RALGPS1: variants seen among roughly 807,000 people sequenced by gnomAD.
The protein encoded by RALGPS1 is ras-specific guanine nucleotide-releasing factor RalGPS1.
RALGPS1 carries 19 observed loss-of-function variants against 78.8 expected under a neutral mutation model. That is an observed-to-expected ratio of 0.24 (90% CI 0.17 to 0.35). RALGPS1 has a LOEUF of 0.35. Among genes scored for constraint, RALGPS1 ranks in the 10% least tolerant of loss-of-function variants. RALGPS1 has a pLI of 1.00. For synonymous variants in RALGPS1, 228 were observed against 256.3 expected, an observed-to-expected ratio of 0.89 and a Z score of 1.06; for missense variants, 454 against 688.3, an observed-to-expected ratio of 0.66 and a Z score of 3.81.
chr9:126,921,407 TTGTC>T (rs1241513362), intron 1 of RALGPS1, among the ~76,000 whole-genome samples: 1 of 152,240 alleles, frequency 6.6e-6, no homozygotes, highest in Non-Finnish European at 1.5e-5. Context: ...CACCTTTTCT[TTGTC>T]TGAGTACCTG....
rs937654602 is a variant in RALGPS1 at position 127,211,115 on chromosome 9, G to A, written c.1248-1016G>A. Among the ~76,000 whole-genome samples the A allele has an allele frequency of 4.6e-5, 7 of 152,252 alleles. No individual in the cohort carries two copies. The highest frequency in any genetic ancestry group is 1.2e-4 in the African/African-American group (5 of 41,468). On this transcript the variant is annotated intron_variant, in intron 14 of 18. Transcript: ENST00000259351. The surrounding 1 kb of genome is among the most constrained non-coding windows in gnomAD (Gnocchi z 5.0). ...TGAGGCAGGAAGAGCTGGGTGATTCGAGTGAAGGGAAGGGAGTGTTGGAAG... is the reference window on the plus strand; with the variant it reads ...TGAGGCAGGAAGAGCTGGGTGATTCAAGTGAAGGGAAGGGAGTGTTGGAAG...
chr9:127,044,013 C>T (rs891705557), intron 5 of RALGPS1, among the ~76,000 whole-genome samples: 1 of 152,220 alleles, frequency 6.6e-6, no homozygotes, highest in Non-Finnish European at 1.5e-5. Flanking sequence ...CTCAATCCAG[C>T]AATTGCAATC....
At chr9:127,213,182 G>A in intron 17 of RALGPS1, 133 bp downstream of exon 17, 2 of 1,475,006 alleles carry the variant, frequency 1.4e-6, no homozygotes, top group Non-Finnish European at 1.8e-6. Context: ...TGACGTTCAT[G>A]GGGTCCATGC....
rs373372918 is a variant in RALGPS1 at position 127,174,885 on chromosome 9, G to C, written c.910+103G>C. On this transcript the variant is annotated intron_variant, in intron 11 of 18. Transcript: ENST00000259351. ...AGGCCAAGGGCAAATCAAGTTTGCA[G>C]CTTAGCAGACTCAGCTATCCCTGTT... is the stretch of plus-strand genomic sequence containing the variant. 5.0e-6 allele frequency: 5 copies of C among 1,003,778 alleles called. No individual in the cohort carries two copies. In the African/African-American group the frequency reaches 6.3e-5, roughly 13 times the overall value. 62.2% of individuals were successfully genotyped at this position (1,003,778 alleles called of 1,614,324 possible).
intron 5 of RALGPS1, among the ~76,000 whole-genome samples, chr9:127,049,361 C>T (rs1396212648): frequency 6.6e-6 from 1 of 152,152 alleles, no homozygotes; most frequent in African/African-American, 2.4e-5. Context: ...CAGGCTGTTG[C>T]AGTATGTGAG....
intron 1 of RALGPS1, among the ~76,000 whole-genome samples, chr9:126,932,690 A>ATTATAAAACAAAATGTTATAAAACATTT (rs1481603090): frequency 6.6e-6 from 1 of 151,944 alleles, no homozygotes; most frequent in African/African-American, 2.4e-5. Context: ...TATAATGTAC[A>ATTATAAAACAAAATGTTATAAAACATTT]TTATAAAACA....
rs1244691990 is a variant in RALGPS1 at position 127,188,626 on chromosome 9, C to T, written c.911-6465C>T. On this transcript the variant is annotated intron_variant, in intron 11 of 18. Coordinates refer to ENST00000259351, the MANE Select transcript of RALGPS1 (RefSeq NM_014636.3). ...GTGGTGGGGTCTCTTTGTTAAGGTT[C>T]TTTGAACTGTAGCAACAAAGACAGA... is the stretch of plus-strand genomic sequence containing the variant. Among the ~76,000 whole-genome samples the T allele has an allele frequency of 2.6e-5, 4 of 151,868 alleles. 1 individual carries two copies. Among genetic ancestry groups the T allele is most frequent in the Non-Finnish European group, 4.4e-5 (3 of 67,976 alleles).
intron 8 of RALGPS1, among the ~76,000 whole-genome samples, chr9:127,133,869 G>A (rs1414191436): frequency 6.6e-6 from 1 of 151,918 alleles, no homozygotes; most frequent in South Asian, 2.1e-4. Context: ...GTTTATCTTT[G>A]GGCCCCCAGC....
At chr9:127,054,917 G>A (rs976216682) in intron 7 of RALGPS1, among the ~76,000 whole-genome samples, 2 of 152,018 alleles carry the variant, frequency 1.3e-5, no homozygotes, top group African/African-American at 2.4e-5. Context: ...ATTCAAGGCA[G>A]CAGTGAACTA....
chr9:127,011,480 G>C (rs998908717), intron 4 of RALGPS1, among the ~76,000 whole-genome samples: 7 of 152,174 alleles, frequency 4.6e-5, no homozygotes, highest in Admixed American at 2.0e-4. Flanking sequence ...GCCTGGCCAA[G>C]AGCCCATTTT....
At chr9:127,149,687 G>A (rs2139011069) in intron 8 of RALGPS1, among the ~76,000 whole-genome samples, 1 of 152,348 alleles carries the variant, frequency 6.6e-6, no homozygotes, top group African/African-American at 2.4e-5. Flanking sequence ...TGACAGGTGG[G>A]CCCCTGGAGT....
At chr9:127,174,279 A>AAGAAAGAAAG (rs63568661) in intron 10 of RALGPS1, among the ~76,000 whole-genome samples, 2 of 150,092 alleles carry the variant, frequency 1.3e-5, no homozygotes, top group African/African-American at 2.5e-5. Flanking sequence ...GAGAGAGAGA[A>AAGAAAGAAAG]AGAAAGAAAG....
At chr9:127,046,073 T>C (rs2047744266) in intron 5 of RALGPS1, among the ~76,000 whole-genome samples, 1 of 152,170 alleles carries the variant, frequency 6.6e-6, no homozygotes, top group Non-Finnish European at 1.5e-5. Context: ...AGGAGCCAAC[T>C]GAAAGAACTC....
intron 5 of RALGPS1, among the ~76,000 whole-genome samples, chr9:127,043,964 A>AACTC (rs1303442306): frequency 6.6e-6 from 1 of 152,236 alleles, no homozygotes; most frequent in Non-Finnish European, 1.5e-5. Flanking sequence ...AAGCAACACA[A>AACTC]ACTCTTATTC....
At chr9:127,081,806 C>A (rs1432679482) in intron 8 of RALGPS1, among the ~76,000 whole-genome samples, 1 of 152,180 alleles carries the variant, frequency 6.6e-6, no homozygotes, top group Non-Finnish European at 1.5e-5. Flanking sequence ...TTATTAATAT[C>A]ATGACCATCA....
chr9:126,945,070 G>C (rs1352348573), intron 1 of RALGPS1, among the ~76,000 whole-genome samples: 1 of 152,222 alleles, frequency 6.6e-6, no homozygotes, highest in Non-Finnish European at 1.5e-5. Flanking sequence ...CAGCCCAGGA[G>C]GCTCCCCACT....
At chr9:127,198,340 G>A (rs72766213) in intron 13 of RALGPS1, among the ~76,000 whole-genome samples, 27 of 152,294 alleles carry the variant, frequency 1.8e-4, no homozygotes, top group Non-Finnish European at 2.8e-4. Context: ...GAACCTCAGA[G>A]CCTCTGAGGT....
intron 5 of RALGPS1, among the ~76,000 whole-genome samples, chr9:127,037,704 A>G (rs1251134406): frequency 6.6e-6 from 1 of 152,232 alleles, no homozygotes; most frequent in Admixed American, 6.5e-5. Flanking sequence ...CCAGGCTTGT[A>G]TCATATTCCG....
intron 5 of RALGPS1, among the ~76,000 whole-genome samples, chr9:127,039,168 G>C (rs2047089551): frequency 1.3e-5 from 2 of 152,154 alleles, no homozygotes; most frequent in African/African-American, 4.8e-5. Flanking sequence ...AGAGGCCCAA[G>C]TGAGTACCTG....
Sources: allele counts gnomAD v4.1 joint callset (sites outside exome capture counted in the v4.1 genomes callset), GRCh38; gene constraint gnomAD v4.1.1; non-coding constraint Gnocchi (gnomAD v3.1); transcripts MANE v1.5; gene names NCBI Gene and HGNC (gene_info 2026-07-23, HGNC 2026-07-21).